Variants in SULT2A1 observed in about 807,000 individuals in gnomAD.
SULT2A1 encodes sulfotransferase 2A1.
SULT2A1 carries 43 observed loss-of-function variants against 33.9 expected under a neutral mutation model. The ratio of observed to expected loss-of-function variants is 1.27; its 90% CI spans 1.00 to 1.64. The LOEUF (loss-of-function observed/expected upper bound fraction) is 1.64. SULT2A1 is among the 40% of genes most tolerant of loss of function. The pLI is 0.00. For missense variants in SULT2A1, 300 were observed against 335.1 expected (o/e 0.90, Z 0.82); for synonymous variants, 125 against 113.6 (o/e 1.10, Z -0.64).
At chr19:47,876,148 T>C (rs1968541965) in intron 4 of SULT2A1, among the ~76,000 whole-genome samples, 2 of 152,182 alleles carry the variant, frequency 1.3e-5, no homozygotes, top group Non-Finnish European at 2.9e-5. Context: ...CCCGAGTAGC[T>C]GGGGTTACAG....
Position 47,871,279 on chromosome 19 carries a change from C to T in SULT2A1, c.*176G>A, listed in dbSNP as rs539811058. 11 of 589,728 alleles carry T rather than the reference C, an allele frequency of 1.9e-5. No homozygotes were observed. Among genetic ancestry groups the T allele is most frequent in the East Asian group, 5.7e-5 (2 of 34,962 alleles). The allele number at this position is 589,728 out of a possible 1,614,324, so 36.5% of individuals were successfully genotyped here. ...TGCTGGGATTACAGGCATGAACCAC[C>T]GTGCCTGGCCAACCCTGGTAACTTT... is the stretch of plus-strand genomic sequence containing the variant. On this transcript the variant is annotated 3_prime_UTR_variant, in exon 6 of 6. Coordinates refer to ENST00000222002, the MANE Select transcript of SULT2A1 (RefSeq NM_003167.4).
intron 5 of SULT2A1, among the ~76,000 whole-genome samples, chr19:47,874,307 G>A (rs1174903298): frequency 6.6e-6 from 1 of 152,062 alleles, no homozygotes; most frequent in Admixed American, 6.6e-5. Flanking sequence ...TTGGGAGGCC[G>A]AGGTGGGCGG....
intron 5 of SULT2A1, among the ~76,000 whole-genome samples, chr19:47,873,940 T>C (rs961721751): frequency 1.3e-5 from 2 of 151,960 alleles, no homozygotes; most frequent in East Asian, 1.9e-4. Flanking sequence ...GACAGATCTC[T>C]ATGCTAACTC....
chr19:47,875,339 T>C (rs979632808), intron 4 of SULT2A1, among the ~76,000 whole-genome samples: 1 of 151,608 alleles, frequency 6.6e-6, no homozygotes, highest in Non-Finnish European at 1.5e-5. Flanking sequence ...ATGAAGTATG[T>C]AAAAGATGCA....
At chr19:47,871,888 G>C (rs34884527) in intron 5 of SULT2A1, among the ~76,000 whole-genome samples, 7,818 of 152,054 alleles carry the variant, frequency 0.051, 251 homozygotes, top group Non-Finnish European at 0.076. Flanking sequence ...TGGATTATTA[G>C]AGTACACTTG....
rs200731291 is a variant in SULT2A1 at position 47,879,114 on chromosome 19, C to A, written c.489G>T (p.Trp163Cys). Residue 163 changes from tryptophan (W) to cysteine (C), a missense_variant, in exon 4 of 6, where the codon TGG becomes TGT. Trp to Cys is a radical substitution (Grantham distance 215). Coordinates refer to ENST00000222002, the MANE Select transcript of SULT2A1 (RefSeq NM_003167.4). Reference sequence around the variant, plus strand: ...GCATCCAGCCATGAATGTGGTCAAACCATGACCCATATAGCACTGCATGGG... The same window carrying A: ...GCATCCAGCCATGAATGTGGTCAAAACATGACCCATATAGCACTGCATGGG... ...FCQGTVLYGS[W>C]FDHIHGWMPM... 2.5e-6 allele frequency: 4 copies of A among 1,612,938 alleles called. No individual in the cohort carries two copies. Among genetic ancestry groups the A allele is most frequent in the Non-Finnish European group, 1.7e-6 (2 of 1,179,002 alleles).
chr19:47,874,629 A>G (rs961129175), intron 5 of SULT2A1, 28 bp downstream of exon 5: 2 of 1,592,290 alleles, frequency 1.3e-6, no homozygotes, highest in African/African-American at 2.7e-5. Flanking sequence ...ATTCTGGTAT[A>G]TTTGGAAACC....
Position 47,882,098 on chromosome 19 carries a change from A to C in SULT2A1, c.458T>G (p.Phe153Cys), listed in dbSNP as rs202030683. Residue 153 changes from phenylalanine to cysteine, a missense_variant, in exon 3 of 6, where the codon TTT becomes TGT. Physicochemically the swap from Phe to Cys is radical, Grantham distance 205 (BLOSUM62 -2). Coordinates refer to ENST00000222002, the MANE Select transcript of SULT2A1 (RefSeq NM_003167.4). Reference protein sequence around the residue: ...PKSWEEYFEWFCQGTVLYGSW... With the variant: ...PKSWEEYFEWCCQGTVLYGSW... Reference sequence around the variant, plus strand: ...GAAACACTCACCAGTTCCTTGACAAAACCATTCAAAATATTCTTCCCATGA... The same window carrying C: ...GAAACACTCACCAGTTCCTTGACAACACCATTCAAAATATTCTTCCCATGA... 3.1e-6 allele frequency: 5 copies of C among 1,613,744 alleles called. No individual in the cohort carries two copies. The highest frequency in any genetic ancestry group is 3.4e-6 in the Non-Finnish European group (4 of 1,179,908).
intron 5 of SULT2A1, among the ~76,000 whole-genome samples, chr19:47,873,304 G>T (rs965860086): frequency 5.9e-5 from 9 of 151,786 alleles, no homozygotes; most frequent in Non-Finnish European, 8.8e-5. Context: ...CGAGTAGCTG[G>T]GATTACAGGC....
intron 2 of SULT2A1, among the ~76,000 whole-genome samples, chr19:47,882,698 C>T (rs549131244): frequency 1.5e-4 from 23 of 151,850 alleles, no homozygotes; most frequent in African/African-American, 4.6e-4. Flanking sequence ...CTGAATCACT[C>T]GAGGTCAGGA....
intron 1 of SULT2A1, among the ~76,000 whole-genome samples, chr19:47,885,051 T>C (rs1365068773): frequency 6.6e-6 from 1 of 152,098 alleles, no homozygotes; most frequent in Non-Finnish European, 1.5e-5. Context: ...CCTCAGGCAA[T>C]CCACCTGCCT....
At chr19:47,883,502 A>G (rs899320202) in intron 2 of SULT2A1, 75 bp downstream of exon 2, 18 of 1,421,282 alleles carry the variant, frequency 1.3e-5, no homozygotes, top group Non-Finnish European at 1.7e-5. Flanking sequence ...TTTCAGCAAG[A>G]TCTCCAGATG....
intron 3 of SULT2A1, among the ~76,000 whole-genome samples, chr19:47,881,224 G>A (rs751372534): frequency 1.3e-4 from 19 of 150,878 alleles, no homozygotes; most frequent in Non-Finnish European, 2.4e-4. Context: ...TTTTAGTAGA[G>A]ACAGTTTCAT....
rs553696081 is a variant in SULT2A1, at chr19:47,871,241, C to T, written c.*214G>A. 1,689 of 505,750 alleles carry T rather than the reference C, an allele frequency of 3.3e-3. 10 individuals carry two copies. Among genetic ancestry groups the T allele is most frequent in the Non-Finnish European group, 4.9e-3 (1,415 of 286,108 alleles). The allele number at this position is 505,750 out of a possible 1,614,324, so 31.3% of individuals were successfully genotyped here. ...TCCTGACCTCGTGATCCGCCCGTCTCGGCCTCCCATAGTGCTGGGATTACA... is the reference window on the plus strand; with the variant it reads ...TCCTGACCTCGTGATCCGCCCGTCTTGGCCTCCCATAGTGCTGGGATTACA... On this transcript the variant is annotated 3_prime_UTR_variant, in exon 6 of 6. Transcript: ENST00000222002.
chr19:47,876,770 A>T (rs1310506286), intron 4 of SULT2A1, among the ~76,000 whole-genome samples: 1 of 114,014 alleles, frequency 8.8e-6, no homozygotes, highest in Non-Finnish European at 1.9e-5. Flanking sequence ...ACTCTGTCTA[A>T]AAAAAAAAAA....
At chr19:47,884,750 C>T (rs1264525046) in intron 1 of SULT2A1, among the ~76,000 whole-genome samples, 1 of 151,784 alleles carries the variant, frequency 6.6e-6, no homozygotes, top group Non-Finnish European at 1.5e-5. Flanking sequence ...CCTATCTTGC[C>T]CTCCCAAAGC....
At position 47,886,226 on chromosome 19, in the gene SULT2A1, A is replaced by G. The variant is rs1968655695; in HGVS notation, c.32T>C (p.Ile11Thr). 1.2e-6 allele frequency: 2 copies of G among 1,613,960 alleles called. No individual in the cohort carries two copies. The highest frequency in any genetic ancestry group is 1.3e-5 in the African/African-American group (1 of 74,908). ...TCTGAAACCCATAGTAGGGAAAGCT[A>G]TGCCTTCAAACCATAAGAAATCGTC... MSDDFLWFEGIAFPTMGFRSE... is the reference protein window; with the variant it reads MSDDFLWFEGTAFPTMGFRSE... Residue 11 changes from isoleucine to threonine, a missense_variant, in exon 1 of 6, where the codon ATA (isoleucine) becomes ACA (threonine). Physicochemically the swap from Ile to Thr is moderately conservative, Grantham distance 89. Transcript: ENST00000222002.
chr19:47,880,545 T>C (rs1268494284), intron 3 of SULT2A1, among the ~76,000 whole-genome samples: 3 of 150,918 alleles, frequency 2.0e-5, no homozygotes, highest in South Asian at 4.2e-4. Flanking sequence ...CTCTTAGCAA[T>C]TGTCAAGTAT....
intron 4 of SULT2A1, among the ~76,000 whole-genome samples, chr19:47,878,341 G>A (rs952991735): frequency 6.6e-6 from 1 of 151,314 alleles, no homozygotes; most frequent in African/African-American, 2.4e-5. Flanking sequence ...CCCACATCTG[G>A]CTAATTTTTT....
Sources: allele counts gnomAD v4.1 joint callset (sites outside exome capture counted in the v4.1 genomes callset), GRCh38; gene constraint gnomAD v4.1.1; transcripts MANE v1.5; gene names NCBI Gene and HGNC (gene_info 2026-07-23, HGNC 2026-07-21).